The following SRGAP3 variants were observed in gnomAD, a reference collection of about 807,000 sequenced individuals.
The protein encoded by SRGAP3 is SLIT-ROBO Rho GTPase-activating protein 3.
A neutral mutation model predicts 121.1 loss-of-function variants in SRGAP3; 39 were observed. That is an observed-to-expected ratio of 0.32 (90% CI 0.25 to 0.42). The LOEUF is 0.42. Among genes scored for constraint, SRGAP3 ranks in the 10% least tolerant of loss-of-function variants. The pLI, the probability that SRGAP3 is intolerant of heterozygous loss-of-function variation, is 1.00. For synonymous variants in SRGAP3, 601 were observed against 570.0 expected (o/e 1.05, Z -0.77); for missense variants, 1,213 against 1,470.6 (o/e 0.82, Z 2.86).
chr3:8,993,004 G>A lies in SRGAP3; in HGVS notation c.2460C>T (p.Ser820=). The A allele has an allele frequency of 6.2e-7, 1 of 1,614,260 alleles. No homozygotes were observed. Among genetic ancestry groups the A allele is most frequent in the Non-Finnish European group, 8.5e-7 (1 of 1,180,048 alleles). ...CCTTGTCATCCAGCAATGGCCCACTGCTGGCCTCGCTGTCAGCCTTCTGGC... is the reference window on the plus strand; with the variant it reads ...CCTTGTCATCCAGCAATGGCCCACTACTGGCCTCGCTGTCAGCCTTCTGGC... The part of the protein sequence containing the change: ...SLSQKADSEA[S]SGPLLDDKAS... The change falls in exon 20 of 22, where the codon AGC becomes AGT. Residue 820 remains serine, a synonymous_variant. Transcript: ENST00000383836.
At chr3:9,271,596 T>C (rs2875428) in intron 3 of SRGAP3, among the ~76,000 whole-genome samples, 12,638 of 152,254 alleles carry the variant, frequency 0.083, 636 homozygotes, top group Admixed American at 0.14. Context: ...CTCACAGTTG[T>C]TGTTGCTGAG....
chr3:9,118,273 C>G (rs1218747225), intron 2 of SRGAP3, among the ~76,000 whole-genome samples: 1 of 152,240 alleles, frequency 6.6e-6, no homozygotes, highest in Non-Finnish European at 1.5e-5. Context: ...TCCTCTCTCT[C>G]TCTCCCATTC....
chr3:9,126,187 G>A (rs542384452), intron 1 of SRGAP3, among the ~76,000 whole-genome samples: 2 of 152,140 alleles, frequency 1.3e-5, no homozygotes, highest in South Asian at 4.2e-4. Context: ...CTAGATGCAC[G>A]GCCCCTCTCC....
chr3:9,296,585 T>C (rs913393462), intron 3 of SRGAP3, among the ~76,000 whole-genome samples: 2 of 152,180 alleles, frequency 1.3e-5, no homozygotes, highest in African/African-American at 2.4e-5. Flanking sequence ...TGTGGAAGCA[T>C]AATAGTTAAG....
chr3:9,341,275 G>T (rs779404350), intron 1 of SRGAP3, among the ~76,000 whole-genome samples: 4 of 135,306 alleles, frequency 3.0e-5, no homozygotes, highest in African/African-American at 1.2e-4. Context: ...GCACGATGTG[G>T]ACACTGAAGG....
intron 3 of SRGAP3, among the ~76,000 whole-genome samples, chr3:9,265,533 A>T (rs1396988987): frequency 2.0e-5 from 3 of 152,236 alleles, no homozygotes; most frequent in Non-Finnish European, 4.4e-5. Context: ...TACAAGAAAA[A>T]AAAACCCCAT....
At chr3:9,358,434 A>G (rs1323127563) in intron 1 of SRGAP3, among the ~76,000 whole-genome samples, 1 of 152,140 alleles carries the variant, frequency 6.6e-6, no homozygotes, top group Non-Finnish European at 1.5e-5. Context: ...AAACTCTCAA[A>G]CCATGCTTCT....
rs1216876206 is a variant in SRGAP3 at position 8,990,799 on chromosome 3, G to T, written c.2599C>A (p.Arg867=). The change falls in exon 21 of 22, where the codon CGA becomes AGA. Residue 867 remains arginine, a synonymous_variant. Coordinates refer to ENST00000383836, the MANE Select transcript of SRGAP3 (RefSeq NM_014850.4). ...GGGCTGTGTGTGTCGCCCCCGCTTC[G>T]GCGTCTGGGGATGGCTGCTCCATCA... ...RSDGAAIPRR[R]SGGDTHSPPR... The T allele has an allele frequency of 6.3e-7, 1 of 1,584,462 alleles. No homozygotes were observed.
At chr3:9,165,359 G>A (rs984518288) in intron 1 of SRGAP3, among the ~76,000 whole-genome samples, 2 of 152,186 alleles carry the variant, frequency 1.3e-5, no homozygotes, top group African/African-American at 4.8e-5. Flanking sequence ...AACCTGAAGT[G>A]CATGAGTCCC....
At chr3:9,033,382 C>A (rs1394956019) in intron 11 of SRGAP3, 4 of 152,726 alleles carry the variant, frequency 2.6e-5, no homozygotes, top group African/African-American at 9.7e-5. Flanking sequence ...ATGGTAATAT[C>A]CTGCTCTTTA....
intron 1 of SRGAP3, among the ~76,000 whole-genome samples, chr3:9,345,450 C>G (rs561797107): frequency 3.0e-4 from 46 of 152,040 alleles, no homozygotes; most frequent in African/African-American, 1.1e-3. Flanking sequence ...CCACTGCACT[C>G]CAGCCTGGGT....
intron 3 of SRGAP3, among the ~76,000 whole-genome samples, chr3:9,318,453 C>G (rs936009621): frequency 2.0e-5 from 3 of 151,904 alleles, no homozygotes; most frequent in Non-Finnish European, 2.9e-5. Context: ...CTACCTACCC[C>G]GCTTCTCTGC....
chr3:9,050,443 T>C (rs913738187), intron 9 of SRGAP3, among the ~76,000 whole-genome samples: 1 of 152,214 alleles, frequency 6.6e-6, no homozygotes, highest in Non-Finnish European at 1.5e-5. Context: ...CCGCCTCATT[T>C]AAGCTTCAAC....
chr3:9,310,011 A>AT (rs1289384734), intron 3 of SRGAP3, among the ~76,000 whole-genome samples: 1 of 152,216 alleles, frequency 6.6e-6, no homozygotes, highest in East Asian at 1.9e-4. Context: ...ACATCTACTC[A>AT]TTGAGTCTCA....
intron 1 of SRGAP3, among the ~76,000 whole-genome samples, chr3:9,159,545 T>C (rs2125073200): frequency 6.6e-6 from 1 of 152,334 alleles, no homozygotes; most frequent in Admixed American, 6.5e-5. Flanking sequence ...CTGGGCTACA[T>C]AACCACTCAA....
intron 1 of SRGAP3, among the ~76,000 whole-genome samples, chr3:9,225,175 G>A (rs961893464): frequency 1.3e-5 from 2 of 152,206 alleles, no homozygotes; most frequent in African/African-American, 2.4e-5. Flanking sequence ...GGAGAGAACA[G>A]TGCTTCACGT....
intron 21 of SRGAP3, among the ~76,000 whole-genome samples, chr3:8,987,898 C>T (rs551207232): frequency 1.8e-4 from 28 of 152,254 alleles, no homozygotes; most frequent in African/African-American, 6.0e-4. Context: ...TCAACCACTC[C>T]GCTTGAAGGA....
intron 4 of SRGAP3, among the ~76,000 whole-genome samples, chr3:9,071,030 G>A (rs1946683567): frequency 6.6e-6 from 1 of 152,164 alleles, no homozygotes; most frequent in African/African-American, 2.4e-5. Context: ...CAGGGCTTGG[G>A]ATGGGGGTGG....
intron 3 of SRGAP3, among the ~76,000 whole-genome samples, chr3:9,278,398 T>C (rs1056535159): frequency 6.6e-6 from 1 of 152,150 alleles, no homozygotes; most frequent in African/African-American, 2.4e-5. Context: ...TAAGTCAACC[T>C]TGAAGCAGAG....
Sources: gnomAD v4.1 joint callset for allele counts (sites outside exome capture counted in the v4.1 genomes callset) on GRCh38, gnomAD v4.1.1 for gene constraint, MANE v1.5 for transcripts, NCBI Gene and HGNC (gene_info 2026-07-23, HGNC 2026-07-21) for gene names.